Variants in EPB41L4B observed in about 807,000 individuals in gnomAD.
EPB41L4B encodes band 4.1-like protein 4B.
In EPB41L4B, 30 loss-of-function variants were observed where a neutral mutation model predicts 112.5. That is an observed-to-expected ratio of 0.27 (90% CI 0.20 to 0.36). The LOEUF is 0.36. EPB41L4B is among the 10% of genes least tolerant of loss of function. The probability of loss-of-function intolerance (pLI) is 1.00; values close to 1 mark genes in which losing one functional copy is unlikely to be tolerated. For missense variants in EPB41L4B, 1,024 were observed against 1,133.3 expected, an observed-to-expected ratio of 0.90 and a Z score of 1.38; for synonymous variants, 408 against 439.7, an observed-to-expected ratio of 0.93 and a Z score of 0.90.
intron 5 of EPB41L4B, among the ~76,000 whole-genome samples, chr9:109,264,324 T>C (rs1448892214): frequency 1.3e-5 from 2 of 152,252 alleles, no homozygotes; most frequent in Non-Finnish European, 2.9e-5. Context: ...AGACTCAATA[T>C]AGCCTTAGTT....
intron 1 of EPB41L4B, among the ~76,000 whole-genome samples, chr9:109,299,652 G>A (rs1480280838): frequency 6.6e-6 from 1 of 152,012 alleles, no homozygotes; most frequent in Non-Finnish European, 1.5e-5. Flanking sequence ...GATCATACAT[G>A]TACAACTCAA....
At chr9:109,250,179 G>A (rs1411499608) in intron 13 of EPB41L4B, among the ~76,000 whole-genome samples, 2 of 152,162 alleles carry the variant, frequency 1.3e-5, no homozygotes, top group Non-Finnish European at 2.9e-5. Flanking sequence ...GAAAAACACT[G>A]ATCTAGCCCA....
intron 13 of EPB41L4B, 90 bp from the exon 14 acceptor site, chr9:109,247,879 T>C: frequency 9.6e-7 from 1 of 1,041,722 alleles, no homozygotes; most frequent in Non-Finnish European, 1.4e-6. Context: ...AATCATGAAC[T>C]ATTCCTATGT....
chr9:109,311,729 C>T (rs991332289), intron 1 of EPB41L4B, among the ~76,000 whole-genome samples: 2 of 152,168 alleles, frequency 1.3e-5, no homozygotes, highest in African/African-American at 4.8e-5. Flanking sequence ...TCTAAGAGAA[C>T]ACACATTTAA....
At chr9:109,264,014 G>A (rs1835310202) in intron 5 of EPB41L4B, among the ~76,000 whole-genome samples, 1 of 152,002 alleles carries the variant, frequency 6.6e-6, no homozygotes, top group Non-Finnish European at 1.5e-5. Flanking sequence ...TTTAGTATGA[G>A]GAGCACAGTA....
chr9:109,259,487 T>C (rs185316146), intron 6 of EPB41L4B, among the ~76,000 whole-genome samples: 2 of 152,236 alleles, frequency 1.3e-5, no homozygotes, highest in East Asian at 3.9e-4. Flanking sequence ...CAACTAACAC[T>C]TCACTCAATT....
chr9:109,288,755 G>A (rs892462218), intron 1 of EPB41L4B, among the ~76,000 whole-genome samples: 83 of 23,192 alleles, frequency 3.6e-3, no homozygotes, highest in Non-Finnish European at 4.5e-3. Flanking sequence ...AAAAAAAAAA[G>A]CTGGGTGTGG....
At chr9:109,211,447 T>C (rs1833164534) in intron 17 of EPB41L4B, among the ~76,000 whole-genome samples, 1 of 151,486 alleles carries the variant, frequency 6.6e-6, no homozygotes, top group African/African-American at 2.4e-5. Context: ...ATATAAAAAT[T>C]AGCCAGGTGT....
intron 1 of EPB41L4B, among the ~76,000 whole-genome samples, chr9:109,289,612 G>A (rs1484492143): frequency 6.6e-6 from 1 of 152,174 alleles, no homozygotes; most frequent in Non-Finnish European, 1.5e-5. Flanking sequence ...CTCTGTAGCT[G>A]GCCAGGACCT....
chr9:109,262,773 T>C (rs1177925905), intron 6 of EPB41L4B, among the ~76,000 whole-genome samples: 1 of 152,214 alleles, frequency 6.6e-6, no homozygotes, highest in Non-Finnish European at 1.5e-5. Context: ...TCTGCACTTT[T>C]GTGCCTTGGT....
chr9:109,320,058 G>A (rs1837798800), intron 1 of EPB41L4B, 83 bp downstream of exon 1: 2 of 1,173,780 alleles, frequency 1.7e-6, no homozygotes, highest in Non-Finnish European at 2.2e-6. Context: ...CAAGGGAAGC[G>A]CCCCCGATGC....
intron 15 of EPB41L4B, among the ~76,000 whole-genome samples, chr9:109,238,187 T>A (rs1375179081): frequency 6.6e-6 from 1 of 152,206 alleles, no homozygotes; most frequent in East Asian, 1.9e-4. Flanking sequence ...TAGCATTAGA[T>A]GACTAGCCCC....
At chr9:109,303,457 C>T (rs1463343546) in intron 1 of EPB41L4B, among the ~76,000 whole-genome samples, 1 of 152,082 alleles carries the variant, frequency 6.6e-6, no homozygotes, top group East Asian at 1.9e-4. Flanking sequence ...GCAATCCTCC[C>T]ACCTCAGCCT....
At chr9:109,221,731 C>T (rs971127292) in intron 15 of EPB41L4B, among the ~76,000 whole-genome samples, 8 of 152,160 alleles carry the variant, frequency 5.3e-5, no homozygotes, top group Admixed American at 2.6e-4. Flanking sequence ...AAATTATGAT[C>T]GACCATCACG....
chr9:109,186,728 C>T (rs573457338), intron 22 of EPB41L4B, among the ~76,000 whole-genome samples: 1 of 152,318 alleles, frequency 6.6e-6, no homozygotes. Context: ...AGATTCCCCA[C>T]CTCCTCGGCC....
At chr9:109,243,864 T>A (rs149541384) in intron 14 of EPB41L4B, among the ~76,000 whole-genome samples, 182 bp from the exon 15 acceptor site, 105 of 152,314 alleles carry the variant, frequency 6.9e-4, no homozygotes, top group Admixed American at 1.5e-3. Context: ...TGACAAAGGC[T>A]GGGGGCTGGC....
rs1347365951 is a variant in EPB41L4B at position 109,176,751 on chromosome 9, ACT to A, written c.2488-57_2488-56del. The A allele has an allele frequency of 5.6e-6, 9 of 1,597,962 alleles. No individual in the cohort carries two copies. The East Asian group carries it at 1.6e-4, about 28-fold the overall frequency. On this transcript the variant is annotated intron_variant, in intron 24 of 25. Coordinates refer to ENST00000374566, the MANE Select transcript of EPB41L4B (RefSeq NM_019114.5). ...ATCTCAATTTGGGTTCCATTTTCACACTGTCAGTTGCTCCCTAAGCCTTACTC... is the reference window on the plus strand; with the variant it reads ...ATCTCAATTTGGGTTCCATTTTCACAGTCAGTTGCTCCCTAAGCCTTACTC...
intron 2 of EPB41L4B, among the ~76,000 whole-genome samples, chr9:109,271,076 A>G (rs1835596021): frequency 6.6e-6 from 1 of 152,182 alleles, no homozygotes; most frequent in African/African-American, 2.4e-5. Flanking sequence ...ATCTCAAGCA[A>G]TTTCAGGTTT....
At chr9:109,265,977 A>G (rs545921926) in intron 4 of EPB41L4B, among the ~76,000 whole-genome samples, 1 of 152,334 alleles carries the variant, frequency 6.6e-6, no homozygotes, top group East Asian at 1.9e-4. Context: ...TTCGCCAGAA[A>G]TCAAGGAGAT....
Sources: allele counts gnomAD v4.1 joint callset (sites outside exome capture counted in the v4.1 genomes callset), GRCh38; gene constraint gnomAD v4.1.1; transcripts MANE v1.5; gene names NCBI Gene and HGNC (gene_info 2026-07-23, HGNC 2026-07-21).